The following HECW2 variants were observed in gnomAD, a reference collection of about 807,000 sequenced individuals.
The protein encoded by HECW2 is E3 ubiquitin-protein ligase HECW2.
HECW2 carries 61 observed loss-of-function variants against 175.2 expected under a neutral mutation model. That is an observed-to-expected ratio of 0.35 (90% CI 0.28 to 0.43). HECW2 has a LOEUF of 0.43. HECW2 is among the 20% of genes least tolerant of loss of function. The pLI, the probability that HECW2 is intolerant of heterozygous loss-of-function variation, is 1.00. For missense variants in HECW2, 1,524 were observed against 2,000.5 expected (o/e 0.76, Z 4.54); for synonymous variants, 671 against 731.0 (o/e 0.92, Z 1.32).
rs887830815 is a variant in HECW2, at chr2:196,198,069, C to G, written c.*3208G>C. The G allele has an allele frequency of 6.6e-6, 1 of 152,072 alleles. No homozygotes were observed. The highest frequency in any genetic ancestry group is 1.5e-5 in the Non-Finnish European group (1 of 68,010). 9.4% of individuals were successfully genotyped at this position (152,072 alleles called of 1,614,324 possible). On this transcript the variant is annotated 3_prime_UTR_variant, in exon 29 of 29. Coordinates refer to ENST00000644978, the MANE Select transcript of HECW2 (RefSeq NM_001348768.2). Reference sequence around the variant, plus strand: ...TGTGCACAAGAAAAATGTTTTGACCCCAGAAGTGGTTTGGGCTCAGGGATT... The same window carrying G: ...TGTGCACAAGAAAAATGTTTTGACCGCAGAAGTGGTTTGGGCTCAGGGATT...
chr2:196,407,547 T>C (rs555036289), intron 2 of HECW2, among the ~76,000 whole-genome samples: 1 of 152,326 alleles, frequency 6.6e-6, no homozygotes, highest in Non-Finnish European at 1.5e-5. Context: ...AATTACCTTT[T>C]AGAAGGTCTT....
At chr2:196,306,424 G>T in intron 13 of HECW2, 64 bp downstream of exon 13, 1 of 1,490,206 alleles carries the variant, frequency 6.7e-7, no homozygotes. Flanking sequence ...TATTACTACA[G>T]AAACAACGAT....
chr2:196,456,471 C>G (rs1696518121), intron 1 of HECW2, among the ~76,000 whole-genome samples: 2 of 152,184 alleles, frequency 1.3e-5, no homozygotes, highest in Admixed American at 1.3e-4. Context: ...TAAGCACTTT[C>G]TGTATATGGA....
intron 2 of HECW2, among the ~76,000 whole-genome samples, chr2:196,414,933 T>C (rs1695213900): frequency 6.6e-6 from 1 of 152,158 alleles, no homozygotes; most frequent in Admixed American, 6.5e-5. Context: ...ATGAAGCTCT[T>C]AGAGCAGTTC....
chr2:196,230,272 C>G (rs916302641), intron 21 of HECW2, among the ~76,000 whole-genome samples: 2 of 152,220 alleles, frequency 1.3e-5, no homozygotes, highest in Non-Finnish European at 2.9e-5. Flanking sequence ...GGCTTCCTCC[C>G]GCTGACCTAC....
intron 18 of HECW2, among the ~76,000 whole-genome samples, chr2:196,256,854 G>A (rs1415908217): frequency 6.6e-6 from 1 of 151,462 alleles, no homozygotes; most frequent in Non-Finnish European, 1.5e-5. Flanking sequence ...GTCAACTGAA[G>A]TGAAGTATCT....
intron 2 of HECW2, among the ~76,000 whole-genome samples, chr2:196,371,713 A>T (rs1330146468): frequency 6.6e-6 from 1 of 152,222 alleles, no homozygotes; most frequent in Non-Finnish European, 1.5e-5. Context: ...ACAAAAGATC[A>T]ATGTCCACAG....
chr2:196,575,453 C>T (rs1382896851), intron 1 of HECW2, among the ~76,000 whole-genome samples: 1 of 152,098 alleles, frequency 6.6e-6, no homozygotes, highest in African/African-American at 2.4e-5. Flanking sequence ...AAAAAGACAT[C>T]CGCACTCCCA....
intron 17 of HECW2, among the ~76,000 whole-genome samples, chr2:196,270,752 G>A (rs1339185494): frequency 6.6e-6 from 1 of 151,440 alleles, no homozygotes; most frequent in Non-Finnish European, 1.5e-5. Context: ...CCAGGCTGGA[G>A]TGCAGTGGTG....
In HECW2 at chr2:196,325,103, G is replaced by A. The variant is rs779357498; in HGVS notation, c.618C>T (p.Asp206=). Residue 206 remains aspartate, a synonymous_variant, in exon 6 of 29, where the codon GAC becomes GAT. Transcript: ENST00000644978. Reference sequence around the variant, plus strand: ...GCTGAATTGACATCTTAAGATAAGGGTCAGGATTGAAGAACATCCCTTTCT... The same window carrying A: ...GCTGAATTGACATCTTAAGATAAGGATCAGGATTGAAGAACATCCCTTTCT... The part of the protein sequence containing the change: ...GLKKGMFFNP[D]PYLKMSIQPG... 5 of 1,611,672 alleles carry A rather than the reference G, an allele frequency of 3.1e-6. No homozygotes were observed. Among genetic ancestry groups the A allele is most frequent in the Admixed American group, 1.7e-5 (1 of 59,532 alleles).
chr2:196,439,594 T>A (rs915415080), intron 1 of HECW2, among the ~76,000 whole-genome samples: 19 of 152,168 alleles, frequency 1.2e-4, no homozygotes, highest in African/African-American at 3.6e-4. Flanking sequence ...AGAAAAGAAT[T>A]GCAGAGCCCA....
intron 1 of HECW2, among the ~76,000 whole-genome samples, chr2:196,491,369 T>TATATACACACAC (rs1275717195): frequency 3.1e-5 from 4 of 130,630 alleles, no homozygotes; most frequent in African/African-American, 1.2e-4. Flanking sequence ...CATATATATA[T>TATATACACACAC]ACACACACAC....
At chr2:196,403,823 T>C (rs4850709) in intron 2 of HECW2, among the ~76,000 whole-genome samples, 152,153 of 152,310 alleles carry the variant, frequency 1, 75,999 homozygotes, top group Non-Finnish European at 1. Context: ...AAAGAACATG[T>C]CTGTCTTCCT....
chr2:196,322,055 A>G (rs13410284), intron 7 of HECW2, among the ~76,000 whole-genome samples: 6,435 of 152,286 alleles, frequency 0.042, 483 homozygotes, highest in African/African-American at 0.15. Context: ...CTTCAAGTCT[A>G]GGTCTCGTTT....
intron 28 of HECW2, among the ~76,000 whole-genome samples, chr2:196,210,526 T>A (rs773241958): frequency 6.6e-6 from 1 of 152,030 alleles, no homozygotes; most frequent in Admixed American, 6.5e-5. Flanking sequence ...TTGATACATA[T>A]GTAGGTATTT....
chr2:196,253,461 T>C (rs1362778587), intron 19 of HECW2, among the ~76,000 whole-genome samples: 1 of 152,232 alleles, frequency 6.6e-6, no homozygotes. Context: ...ATCAACATCT[T>C]CTATCTGCCA....
chr2:196,377,352 C>T (rs538375035), intron 2 of HECW2, among the ~76,000 whole-genome samples: 9 of 152,228 alleles, frequency 5.9e-5, no homozygotes, highest in South Asian at 4.1e-4. Flanking sequence ...TCTGTTCTCA[C>T]GCTGCTCATA....
At chr2:196,507,164 C>CTGTG (rs1559148696) in intron 1 of HECW2, among the ~76,000 whole-genome samples, 9 of 2,454 alleles carry the variant, frequency 3.7e-3, no homozygotes, top group East Asian at 0.026. Flanking sequence ...TATACACACA[C>CTGTG]TATGTGTATA....
At chr2:196,299,093 A>C (rs1455991056) in intron 13 of HECW2, among the ~76,000 whole-genome samples, 1 of 152,228 alleles carries the variant, frequency 6.6e-6, no homozygotes, top group Non-Finnish European at 1.5e-5. Flanking sequence ...TATATAAGTC[A>C]GGAAAATAAT....
Sources: gnomAD v4.1 joint callset for allele counts (sites outside exome capture counted in the v4.1 genomes callset) on GRCh38, gnomAD v4.1.1 for gene constraint, MANE v1.5 for transcripts, NCBI Gene and HGNC (gene_info 2026-07-23, HGNC 2026-07-21) for gene names.